The following CNBD1 variants were observed in gnomAD, a reference collection of about 807,000 sequenced individuals.
The protein encoded by CNBD1 is cyclic nucleotide binding domain containing 1.
In CNBD1, 71 loss-of-function variants were observed where a neutral mutation model predicts 54.4. That is an observed-to-expected ratio of 1.30 (90% CI 1.08 to 1.59). The LOEUF is 1.59. CNBD1 is among the 40% of genes most tolerant of loss of function. The probability of loss-of-function intolerance (pLI) is 0.00; values close to 1 mark genes in which losing one functional copy is unlikely to be tolerated. For synonymous variants in CNBD1, 182 were observed against 170.7 expected (o/e 1.07, Z -0.51); for missense variants, 659 against 518.0 (o/e 1.27, Z -2.64).
intron 6 of CNBD1, among the ~76,000 whole-genome samples, chr8:87,271,585 T>TA (rs901868565): frequency 1.3e-4 from 20 of 151,872 alleles, no homozygotes; most frequent in Admixed American, 6.6e-4. Flanking sequence ...ATGGCTTTTA[T>TA]AAAAAAAATT....
intron 10 of CNBD1, among the ~76,000 whole-genome samples, chr8:87,354,890 G>A (rs1454365497): frequency 6.6e-6 from 1 of 152,162 alleles, no homozygotes; most frequent in Non-Finnish European, 1.5e-5. Flanking sequence ...CTTTATAGCA[G>A]CATGATTTAT....
intron 8 of CNBD1, among the ~76,000 whole-genome samples, chr8:87,344,408 A>T (rs1810127780): frequency 6.6e-6 from 1 of 152,256 alleles, no homozygotes; most frequent in Admixed American, 6.5e-5. Context: ...AATGGATTTT[A>T]TCATATCATT....
intron 8 of CNBD1, among the ~76,000 whole-genome samples, chr8:87,314,637 T>C (rs1244972830): frequency 6.6e-6 from 1 of 152,028 alleles, no homozygotes; most frequent in African/African-American, 2.4e-5. Context: ...ATTATCAGAT[T>C]TGATTATCTA....
chr8:87,107,158 A>G (rs1303894468), intron 4 of CNBD1, among the ~76,000 whole-genome samples: 1 of 152,042 alleles, frequency 6.6e-6, no homozygotes, highest in African/African-American at 2.4e-5. Context: ...CTTTTCACTG[A>G]TGTCTTAAAA....
chr8:87,047,510 G>A (rs188824383), intron 4 of CNBD1, among the ~76,000 whole-genome samples: 37 of 152,290 alleles, frequency 2.4e-4, no homozygotes, highest in African/African-American at 8.9e-4. Flanking sequence ...GCCTCTAACA[G>A]TGAATGCTAC....
intron 4 of CNBD1, among the ~76,000 whole-genome samples, chr8:87,003,654 C>T (rs1302105993): frequency 6.6e-6 from 1 of 151,996 alleles, no homozygotes; most frequent in African/African-American, 2.4e-5. Context: ...TAACCTAGGG[C>T]ATTGAGAACA....
chr8:87,356,084 ATGT>A (rs1351368426), intron 10 of CNBD1, among the ~76,000 whole-genome samples: 1 of 136,634 alleles, frequency 7.3e-6, no homozygotes, highest in Non-Finnish European at 1.6e-5. Context: ...AGCCAAGCAG[ATGT>A]TGTTGCCATG....
chr8:87,375,409 CTA>C (rs1563576116), intron 10 of CNBD1, among the ~76,000 whole-genome samples: 1 of 151,652 alleles, frequency 6.6e-6, no homozygotes, highest in Admixed American at 6.6e-5. Flanking sequence ...ATTTTGTAAA[CTA>C]TGTTAGATAA....
At chr8:86,906,344 G>T (rs1023782243) in intron 3 of CNBD1, among the ~76,000 whole-genome samples, 2 of 152,014 alleles carry the variant, frequency 1.3e-5, no homozygotes, top group African/African-American at 4.8e-5. Flanking sequence ...TAGTTGACTG[G>T]GAAAAATCTC....
intron 9 of CNBD1, among the ~76,000 whole-genome samples, chr8:87,352,260 C>T (rs1386490145): frequency 2.6e-5 from 4 of 152,052 alleles, no homozygotes; most frequent in Non-Finnish European, 4.4e-5. Context: ...GCGGGCGGAT[C>T]ACGAGATCAG....
intron 4 of CNBD1, among the ~76,000 whole-genome samples, chr8:86,994,197 A>G (rs1355141850): frequency 6.6e-6 from 1 of 152,248 alleles, no homozygotes; most frequent in Non-Finnish European, 1.5e-5. Context: ...GGATCAGGCC[A>G]TAGCTCCATC....
chr8:87,152,054 AC>A (rs1475989533), intron 4 of CNBD1, among the ~76,000 whole-genome samples: 1 of 152,156 alleles, frequency 6.6e-6, no homozygotes, highest in Non-Finnish European at 1.5e-5. Context: ...AATATAAAAG[AC>A]CTAGTATGCA....
At chr8:87,037,695 G>A (rs774836960) in intron 4 of CNBD1, among the ~76,000 whole-genome samples, 4 of 151,944 alleles carry the variant, frequency 2.6e-5, no homozygotes, top group African/African-American at 9.6e-5. Flanking sequence ...TAATATTTTG[G>A]TTTTTTTGGG....
chr8:87,210,915 A>AC (rs1210446389), intron 5 of CNBD1, among the ~76,000 whole-genome samples: 1 of 152,016 alleles, frequency 6.6e-6, no homozygotes, highest in Non-Finnish European at 1.5e-5. Flanking sequence ...TGTTCTCTAG[A>AC]CCCCAGCATG....
At chr8:87,368,719 T>C (rs1810696393) in intron 10 of CNBD1, among the ~76,000 whole-genome samples, 1 of 151,794 alleles carries the variant, frequency 6.6e-6, no homozygotes, top group South Asian at 2.1e-4. Flanking sequence ...AAAAGAGGGG[T>C]ATTTGGTATT....
downstream of CNBD1, among the ~76,000 whole-genome samples, chr8:87,383,923 G>C (rs1271913493): frequency 6.6e-6 from 1 of 152,076 alleles, no homozygotes; most frequent in Non-Finnish European, 1.5e-5. Context: ...AGATGTCAGT[G>C]ATTATCTGAT....
intron 4 of CNBD1, among the ~76,000 whole-genome samples, chr8:87,187,964 C>A (rs1813514189): frequency 6.6e-6 from 1 of 152,074 alleles, no homozygotes; most frequent in Non-Finnish European, 1.5e-5. Context: ...GTTTATAATG[C>A]CTTCTAGGAT....
intron 8 of CNBD1, among the ~76,000 whole-genome samples, chr8:87,342,888 T>C (rs1049476074): frequency 1.3e-5 from 2 of 151,892 alleles, no homozygotes; most frequent in Non-Finnish European, 2.9e-5. Context: ...GTAAACAGGG[T>C]TTGAGAGCAG....
intron 1 of CNBD1, among the ~76,000 whole-genome samples, chr8:86,878,388 C>G (rs1288415375): frequency 6.6e-6 from 1 of 152,076 alleles, no homozygotes; most frequent in Admixed American, 6.6e-5. Context: ...ATGTTGAACA[C>G]TTTTCATCAA....
Sources: gnomAD v4.1 joint callset for allele counts (sites outside exome capture counted in the v4.1 genomes callset) on GRCh38, gnomAD v4.1.1 for gene constraint, MANE v1.5 for transcripts, NCBI Gene and HGNC (gene_info 2026-07-23, HGNC 2026-07-21) for gene names.